PHF19: variants seen among roughly 807,000 people sequenced by gnomAD.
PHF19 encodes polycomb like 3.
Under a neutral mutation model 79.8 loss-of-function variants are expected in PHF19, and 21 were observed. That is an observed-to-expected ratio of 0.26 (90% CI 0.19 to 0.38). The LOEUF (loss-of-function observed/expected upper bound fraction) is 0.38. PHF19 is among the 10% of genes least tolerant of loss of function. The probability of loss-of-function intolerance (pLI) is 1.00; values close to 1 mark genes in which losing one functional copy is unlikely to be tolerated. For missense variants in PHF19, 445 were observed against 744.2 expected, an observed-to-expected ratio of 0.60 and a Z score of 4.68; for synonymous variants, 273 against 296.3, an observed-to-expected ratio of 0.92 and a Z score of 0.81.
chr9:120,884,843 C>A (rs915324445), intron 1 of PHF19, among the ~76,000 whole-genome samples: 9 of 152,052 alleles, frequency 5.9e-5, no homozygotes, highest in Non-Finnish European at 1.2e-4. Flanking sequence ...ATCACTTCAA[C>A]CCTGGAGGCA....
At position 120,866,089 on chromosome 9, in the gene PHF19, G is replaced by A. The variant is rs570591589; in HGVS notation, c.718C>T (p.Leu240=). ...EPMMFGDRFY[L]FFCSVCNQGP... ...TGGTTACACACGGAGCAGAAGAACA[G>A]GTAAAACCTGTGGGTGGGTAGAGAC... The change falls in exon 8 of 15, where the codon CTG becomes TTG. Residue 240 remains leucine, a synonymous_variant. Coordinates refer to ENST00000373896, the MANE Select transcript of PHF19 (RefSeq NM_015651.3). The surrounding 1 kb of genome is among the most constrained non-coding windows in gnomAD (Gnocchi z 5.2). 1 of 1,613,742 alleles carries A rather than the reference G, an allele frequency of 6.2e-7. No individual in the cohort carries two copies. The highest frequency in any genetic ancestry group is 1.3e-5 in the African/African-American group (1 of 74,996).
At chr9:120,883,814 G>T (rs1435163144) in intron 1 of PHF19, among the ~76,000 whole-genome samples, 2 of 151,354 alleles carry the variant, frequency 1.3e-5, no homozygotes, top group Non-Finnish European at 2.9e-5. Flanking sequence ...AGGGGGTGGG[G>T]CTAGGGGGAC....
At chr9:120,867,900 A>G (rs1453872224) in intron 6 of PHF19, among the ~76,000 whole-genome samples, 4 of 152,152 alleles carry the variant, frequency 2.6e-5, no homozygotes, top group African/African-American at 9.7e-5. Flanking sequence ...ACTCAGCCCA[A>G]AGAAGCAAGC....
At chr9:120,889,946 G>T (rs1181891199) in intron 1 of PHF19, among the ~76,000 whole-genome samples, 1 of 152,236 alleles carries the variant, frequency 6.6e-6, no homozygotes, top group African/African-American at 2.4e-5. Context: ...CTAAGGTCAG[G>T]TTCTGCCATG....
At chr9:120,881,309 C>T (rs900697517), upstream of PHF19, among the ~76,000 whole-genome samples, 16 of 151,678 alleles carry the variant, frequency 1.1e-4, no homozygotes, top group Non-Finnish European at 1.8e-4. Context: ...CACCACGCCC[C>T]GCTGATTTTT....
chr9:120,864,203 C>G, intron 9 of PHF19, 87 bp from the exon 10 acceptor site: 4 of 1,086,862 alleles, frequency 3.7e-6, no homozygotes, highest in Non-Finnish European at 2.8e-6. Context: ...CTTCCATCTC[C>G]TGATGCTTCT....
At chr9:120,873,906 G>A in intron 3 of PHF19, 73 bp downstream of exon 3, 1 of 773,304 alleles carries the variant, frequency 1.3e-6, no homozygotes, top group Non-Finnish European at 2.3e-6. Context: ...AGGACAGAAG[G>A]AAGAAATGAA....
At chr9:120,868,766 C>T (rs949371414) in intron 6 of PHF19, 7 of 929,318 alleles carry the variant, frequency 7.5e-6, no homozygotes, top group African/African-American at 5.3e-5. Context: ...TTCCCTCCTC[C>T]CCACCCCGCC....
upstream of PHF19, among the ~76,000 whole-genome samples, chr9:120,897,934 G>A (rs959796568): frequency 7.0e-6 from 1 of 142,648 alleles, no homozygotes; most frequent in East Asian, 2.0e-4. Context: ...AGCTGAGGTC[G>A]CATCACTGCA....
At position 120,865,978 on chromosome 9, in the gene PHF19, G is replaced by T. The variant is rs963021228; in HGVS notation, c.779+50C>A. 4 of 1,562,564 alleles carry T rather than the reference G, an allele frequency of 2.6e-6. No homozygotes were observed. The African/African-American group carries it at 5.4e-5, about 21-fold the overall frequency. On this transcript the variant is annotated intron_variant, in intron 8 of 14. Transcript: ENST00000373896. The stretch of plus-strand genomic sequence containing the variant: ...ATTGTTCCAGGAGGGAGGAGGGAGG[G>T]GAGAAGCTGGGAGGAGCAGCGGTGG...
Position 120,888,227 on chromosome 9 carries a change from C to G in PHF19, c.42+6561G>C, listed in dbSNP as rs932171734. On this transcript the variant is annotated intron_variant, in intron 1 of 14. Coordinates refer to the PHF19 transcript ENST00000616568. Reference sequence around the variant, plus strand: ...CTGACCTCAAATGATCTGCCCATCTCGGCCTCCCAAAGTGCTGGGATTACA... The same window carrying G: ...CTGACCTCAAATGATCTGCCCATCTGGGCCTCCCAAAGTGCTGGGATTACA... Among the ~76,000 whole-genome samples, 11 of 152,176 alleles carry G rather than the reference C, an allele frequency of 7.2e-5. No individual in the cohort carries two copies. In the East Asian group the frequency reaches 2.1e-3, roughly 29 times the overall value.
intron 1 of PHF19, among the ~76,000 whole-genome samples, chr9:120,882,264 G>A (rs1044699751): frequency 4.6e-5 from 7 of 152,198 alleles, no homozygotes; most frequent in African/African-American, 1.4e-4. Flanking sequence ...GGGCCAGAGA[G>A]CCCTGAGAGA....
rs1187991721 is a variant in PHF19, at chr9:120,886,410, A to C, written c.42+8378T>G. ...ATGGACACCGAACCAAAATAGAGAA[A>C]TGCGAAGGCAGCTAGACAGAAAGTG... is the stretch of plus-strand genomic sequence containing the variant. On this transcript the variant is annotated intron_variant, in intron 1 of 14. Transcript: ENST00000616568. Among the ~76,000 whole-genome samples, 21 of 152,242 alleles carry C rather than the reference A, an allele frequency of 1.4e-4. 1 individual carries two copies. The highest frequency in any genetic ancestry group is 1.4e-3 in the Admixed American group (21 of 15,282).
rs1307479500 is a variant in PHF19, at chr9:120,860,886, A to G, written c.1304+203T>C. On this transcript the variant is annotated intron_variant, in intron 13 of 14. Transcript: ENST00000373896. This position sits in a 1 kb window ranked among gnomAD's most constrained non-coding sequence, Gnocchi z 4.1. ...AACAGCATGGTGAGTGTGGATAACC[A>G]TGGGGCAAGGTGGGGAGGGCTGGAG... The G allele has an allele frequency of 1.8e-6, 1 of 549,364 alleles. No individual in the cohort carries two copies. Among genetic ancestry groups the G allele is most frequent in the Non-Finnish European group, 3.3e-6 (1 of 301,876 alleles). 34.0% of individuals were successfully genotyped at this position (549,364 alleles called of 1,614,324 possible).
intron 1 of PHF19, among the ~76,000 whole-genome samples, chr9:120,890,352 A>G (rs535394897): frequency 7.0e-6 from 1 of 142,798 alleles, no homozygotes; most frequent in South Asian, 2.2e-4. Flanking sequence ...TACTTGTCTC[A>G]GGGAGAGTTT....
intron 3 of PHF19, among the ~76,000 whole-genome samples, chr9:120,871,584 T>A (rs1193545870): frequency 6.6e-6 from 1 of 152,244 alleles, no homozygotes; most frequent in Non-Finnish European, 1.5e-5. Flanking sequence ...TTGCTTTTAG[T>A]CTACAGGTCC....
At chr9:120,868,824 T>G (rs1047972796) in intron 6 of PHF19, 1 of 1,032,932 alleles carries the variant, frequency 9.7e-7, no homozygotes, top group African/African-American at 1.7e-5. Context: ...GGGGCCCTGC[T>G]TGGGCGGTCG....
upstream of PHF19, among the ~76,000 whole-genome samples, chr9:120,881,872 C>T (rs1455386432): frequency 6.6e-6 from 1 of 152,244 alleles, no homozygotes. Flanking sequence ...AGCAATTCTC[C>T]TGCCTCAGCC....
At chr9:120,904,050 T>C in the PHF19 span, 1 of 152,270 alleles carries the variant, frequency 6.6e-6, no homozygotes, top group South Asian at 2.1e-4. Flanking sequence ...AAGAAGTGGA[T>C]GCCTCAGTTA....
Sources: allele counts gnomAD v4.1 joint callset (sites outside exome capture counted in the v4.1 genomes callset), GRCh38; gene constraint gnomAD v4.1.1; non-coding constraint Gnocchi (gnomAD v3.1); transcripts MANE v1.5; gene names NCBI Gene and HGNC (gene_info 2026-07-23, HGNC 2026-07-21).